RFX3: variants seen among roughly 807,000 people sequenced by gnomAD.
RFX3 encodes the protein transcription factor RFX3.
A neutral mutation model predicts 98.6 loss-of-function variants in RFX3; 14 were observed. The observed-to-expected ratio is 0.14, with a 90% confidence interval of 0.09 to 0.22. RFX3 has a LOEUF of 0.22. Among genes scored for constraint, RFX3 ranks in the 10% least tolerant of loss-of-function variants. The pLI is 1.00. For synonymous variants in RFX3, 383 were observed against 328.4 expected (o/e 1.17, Z -1.80); for missense variants, 639 against 926.9 (o/e 0.69, Z 4.03).
At chr9:3,483,803 C>T (rs1850017071) in intron 1 of RFX3, among the ~76,000 whole-genome samples, 2 of 152,156 alleles carry the variant, frequency 1.3e-5, no homozygotes, top group Non-Finnish European at 1.5e-5. Flanking sequence ...TGATTTTATA[C>T]ATGCATTACC....
intron 1 of RFX3, among the ~76,000 whole-genome samples, chr9:3,503,076 T>C (rs1368087917): frequency 1.3e-5 from 2 of 152,176 alleles, no homozygotes; most frequent in African/African-American, 4.8e-5. Context: ...ACAACGGTGG[T>C]ACAAACAAGT....
intron 15 of RFX3, among the ~76,000 whole-genome samples, chr9:3,246,743 T>C (rs1039571548): frequency 5.9e-5 from 9 of 152,164 alleles, no homozygotes; most frequent in African/African-American, 2.2e-4. Flanking sequence ...ATTGTTTTGG[T>C]CACATGAGGT....
chr9:3,382,493 T>C (rs762151109), intron 2 of RFX3, among the ~76,000 whole-genome samples: 46 of 152,304 alleles, frequency 3.0e-4, no homozygotes, highest in Non-Finnish European at 6.2e-4. Context: ...ATATATATCC[T>C]ACTAATTAAA....
chr9:3,239,558 C>T (rs1339831086), intron 15 of RFX3, among the ~76,000 whole-genome samples: 1 of 152,212 alleles, frequency 6.6e-6, no homozygotes, highest in Non-Finnish European at 1.5e-5. Flanking sequence ...ACAGGTGTAC[C>T]TAATTGTGTT....
At chr9:3,341,590 C>A (rs536641925) in intron 3 of RFX3, among the ~76,000 whole-genome samples, 1 of 152,104 alleles carries the variant, frequency 6.6e-6, no homozygotes, top group Non-Finnish European at 1.5e-5. Flanking sequence ...AAGTAGTCGG[C>A]TCCTGTTTCA....
chr9:3,400,492 A>G (rs1309355546), intron 1 of RFX3, among the ~76,000 whole-genome samples: 1 of 152,284 alleles, frequency 6.6e-6, no homozygotes, highest in East Asian at 1.9e-4. Flanking sequence ...TTTATTCCCA[A>G]ATTACTGCTC....
intron 6 of RFX3, among the ~76,000 whole-genome samples, chr9:3,291,296 C>T (rs762768914): frequency 1.3e-5 from 2 of 152,046 alleles, no homozygotes; most frequent in South Asian, 2.1e-4. Context: ...CACTTGAACC[C>T]GGGGGGCAGA....
intron 1 of RFX3, among the ~76,000 whole-genome samples, chr9:3,416,935 G>C (rs1843034951): frequency 1.3e-5 from 2 of 151,834 alleles, no homozygotes; most frequent in Non-Finnish European, 2.9e-5. Flanking sequence ...TGAAGAGACA[G>C]AGATTGTCAA....
At chr9:3,377,723 C>T (rs13286511) in intron 2 of RFX3, among the ~76,000 whole-genome samples, 14,266 of 152,040 alleles carry the variant, frequency 0.094, 723 homozygotes, top group African/African-American at 0.13. Flanking sequence ...AGGAAAGGTA[C>T]TAATAACAAA....
chr9:3,276,328 A>AGT (rs1825219563), intron 8 of RFX3, among the ~76,000 whole-genome samples: 1 of 152,144 alleles, frequency 6.6e-6, no homozygotes, highest in African/African-American at 2.4e-5. Flanking sequence ...TAATTTACAT[A>AGT]GTAAGTCTCT....
intron 1 of RFX3, among the ~76,000 whole-genome samples, chr9:3,492,093 G>C (rs1304275608): frequency 6.6e-6 from 1 of 152,038 alleles, no homozygotes; most frequent in Non-Finnish European, 1.5e-5. Flanking sequence ...TATTGAATCA[G>C]TACTAGATGC....
intron 1 of RFX3, 147 bp from the exon 2 acceptor site, chr9:3,395,743 T>G (rs1017965608): frequency 1.3e-6 from 1 of 765,130 alleles, no homozygotes; most frequent in Non-Finnish European, 2.0e-6. Context: ...AGTCCGTGCA[T>G]GTGTATGGTC....
At chr9:3,358,432 A>C (rs960603157) in intron 2 of RFX3, among the ~76,000 whole-genome samples, 2 of 152,122 alleles carry the variant, frequency 1.3e-5, no homozygotes, top group African/African-American at 4.8e-5. Context: ...AACTGGGAAA[A>C]TGTCAAGAAT....
intron 15 of RFX3, among the ~76,000 whole-genome samples, chr9:3,246,765 T>C (rs1820735781): frequency 6.6e-6 from 1 of 152,198 alleles, no homozygotes; most frequent in Non-Finnish European, 1.5e-5. Context: ...CTGCTTACAA[T>C]GAAAAGCCAC....
intron 7 of RFX3, among the ~76,000 whole-genome samples, chr9:3,287,342 A>G (rs1797462207): frequency 6.6e-6 from 1 of 151,874 alleles, no homozygotes; most frequent in Admixed American, 6.6e-5. Context: ...GAAAAATCAT[A>G]ACTTCTGTCT....
intron 11 of RFX3, among the ~76,000 whole-genome samples, chr9:3,268,981 T>C (rs1181313256): frequency 2.0e-5 from 3 of 151,920 alleles, no homozygotes; most frequent in Non-Finnish European, 4.4e-5. Flanking sequence ...TCTCTAGAGA[T>C]TATCACTCAG....
intron 7 of RFX3, among the ~76,000 whole-genome samples, chr9:3,286,568 TTCCA>T (rs1334868386): frequency 6.6e-6 from 1 of 151,852 alleles, no homozygotes; most frequent in East Asian, 1.9e-4. Flanking sequence ...TCCAGTCTCT[TTCCA>T]TTAAATATGT....
At chr9:3,403,635 A>C (rs938320397) in intron 1 of RFX3, among the ~76,000 whole-genome samples, 4 of 152,192 alleles carry the variant, frequency 2.6e-5, no homozygotes, top group African/African-American at 4.8e-5. Flanking sequence ...CTATTACTTA[A>C]AGAAAGAAAT....
intron 1 of RFX3, chr9:3,489,349 C>G (rs1850546409): frequency 1.2e-6 from 1 of 817,618 alleles, no homozygotes; most frequent in Admixed American, 6.2e-5. Flanking sequence ...CCACCCCACC[C>G]TGACTCCTGC....
Sources: gnomAD v4.1 joint callset for allele counts (sites outside exome capture counted in the v4.1 genomes callset) on GRCh38, gnomAD v4.1.1 for gene constraint, MANE v1.5 for transcripts, NCBI Gene and HGNC (gene_info 2026-07-23, HGNC 2026-07-21) for gene names.